PVT1: variants seen among roughly 807,000 people sequenced by gnomAD.
PVT1 encodes the protein Pvt1 oncogene, also known as CXCR4/PVT1 fusion.
intron 3 of PVT1, among the ~76,000 whole-genome samples, chr8:127,984,723 C>T (rs1290898432): frequency 6.6e-6 from 1 of 152,170 alleles, no homozygotes; most frequent in African/African-American, 2.4e-5. Context: ...TCTCCTGCCT[C>T]AGCCACCCAA....
intron 3 of PVT1, among the ~76,000 whole-genome samples, chr8:127,988,322 TG>T (rs1042548753): frequency 1.3e-5 from 2 of 152,036 alleles, no homozygotes; most frequent in Non-Finnish European, 2.9e-5. Context: ...GTGAGGATGG[TG>T]GGGGGGCCTG....
chr8:127,820,752 C>T (rs1389205020), intron 2 of PVT1, among the ~76,000 whole-genome samples: 2 of 151,984 alleles, frequency 1.3e-5, no homozygotes, highest in African/African-American at 4.8e-5. Context: ...CTTTGTCGCC[C>T]AGGCTGGAAT....
At chr8:127,826,329 G>C (rs938760268) in intron 2 of PVT1, among the ~76,000 whole-genome samples, 5 of 152,228 alleles carry the variant, frequency 3.3e-5, no homozygotes, top group African/African-American at 1.2e-4. Context: ...GCTTGACCTG[G>C]TGCCTAATCC....
At chr8:127,904,800 G>C (rs2129831705) in intron 3 of PVT1, among the ~76,000 whole-genome samples, 1 of 152,328 alleles carries the variant, frequency 6.6e-6, no homozygotes, top group East Asian at 1.9e-4. Flanking sequence ...AATATGTGGG[G>C]CTCAGTGCAA....
At chr8:127,809,322 G>C (rs188515088) in intron 2 of PVT1, among the ~76,000 whole-genome samples, 11 of 152,244 alleles carry the variant, frequency 7.2e-5, no homozygotes, top group African/African-American at 2.2e-4. Flanking sequence ...CTCCAGAGTA[G>C]CTGGGACTAC....
At chr8:128,082,276 G>A (rs900966811) in intron 5 of PVT1, among the ~76,000 whole-genome samples, 1 of 152,202 alleles carries the variant, frequency 6.6e-6, no homozygotes, top group African/African-American at 2.4e-5. Flanking sequence ...CTTGTTCGGG[G>A]TGCTACAGCT....
intron 2 of PVT1, among the ~76,000 whole-genome samples, chr8:127,831,547 A>G (rs1197014805): frequency 6.6e-6 from 1 of 152,198 alleles, no homozygotes; most frequent in Non-Finnish European, 1.5e-5. Context: ...GGTGGGATCC[A>G]AATCCATGGG....
intron 3 of PVT1, among the ~76,000 whole-genome samples, chr8:127,912,553 A>G (rs1586432846): frequency 6.6e-6 from 1 of 152,360 alleles, no homozygotes; most frequent in Middle Eastern, 3.4e-3. Context: ...GTTATTCCAC[A>G]CCATCCCAGT....
At chr8:127,930,230 C>T (rs1223737897) in intron 3 of PVT1, among the ~76,000 whole-genome samples, 1 of 152,184 alleles carries the variant, frequency 6.6e-6, no homozygotes, top group Non-Finnish European at 1.5e-5. Flanking sequence ...GATCTTAGCT[C>T]ACTACAACCC....
At chr8:127,863,393 A>G (rs1055150697) in intron 2 of PVT1, among the ~76,000 whole-genome samples, 1 of 152,182 alleles carries the variant, frequency 6.6e-6, no homozygotes. Flanking sequence ...GACAGGCATG[A>G]GCCACCGTGC....
chr8:128,005,844 C>T (rs1817240065), intron 4 of PVT1, among the ~76,000 whole-genome samples: 1 of 152,114 alleles, frequency 6.6e-6, no homozygotes, highest in Non-Finnish European at 1.5e-5. Flanking sequence ...TGGCTCACAC[C>T]CGCAATGCCA....
Position 127,997,043 on chromosome 8 carries a change from C to CTT in PVT1, n.912+7752_912+7753insTT, listed in dbSNP as rs1554603118. Among the ~76,000 whole-genome samples the CTT allele has an allele frequency of 6.6e-4, 36 of 54,578 alleles. 1 individual carries two copies. The highest frequency in any genetic ancestry group is 3.2e-3 in the South Asian group (3 of 948). 35.8% of individuals were successfully genotyped at this position (54,578 alleles called of 152,430 possible). ...GGAACATTCACTGGTCATTTGCTTT[C>CTT]GTTTTTTTTTTTTGTTTGTTTGTTT... On this transcript the variant is annotated intron_variant and non_coding_transcript_variant, in intron 4 of 10. Transcript: ENST00000651587.
chr8:127,812,939 TCC>T (rs957318756), intron 2 of PVT1, among the ~76,000 whole-genome samples: 1 of 151,982 alleles, frequency 6.6e-6, no homozygotes, highest in African/African-American at 2.4e-5. Context: ...AAGAGCCCAG[TCC>T]ATGCATTTAG....
At chr8:127,984,962 T>C (rs118155381) in intron 3 of PVT1, among the ~76,000 whole-genome samples, 28,359 of 118,180 alleles carry the variant, frequency 0.24, 5,426 homozygotes, top group East Asian at 0.38. Flanking sequence ...CTTCCTTCCT[T>C]CCTCCCTCCT....
chr8:127,961,982 T>A (rs905125982), intron 3 of PVT1, among the ~76,000 whole-genome samples: 1 of 147,388 alleles, frequency 6.8e-6, no homozygotes, highest in African/African-American at 2.5e-5. Flanking sequence ...GAATGTAGAA[T>A]TTTTTTTTTT....
intron 4 of PVT1, among the ~76,000 whole-genome samples, chr8:128,029,803 A>G (rs1813368312): frequency 1.4e-5 from 2 of 147,268 alleles, no homozygotes; most frequent in East Asian, 1.9e-4. Context: ...TGTCTCAAAA[A>G]CAAACAAACA....
At chr8:128,062,276 C>G (rs1280812781) in intron 4 of PVT1, among the ~76,000 whole-genome samples, 1 of 152,196 alleles carries the variant, frequency 6.6e-6, no homozygotes, top group African/African-American at 2.4e-5. Context: ...ACAAAACCTA[C>G]TCTTCATTTT....
At chr8:127,901,624 C>T (rs571658274) in intron 3 of PVT1, among the ~76,000 whole-genome samples, 2 of 152,116 alleles carry the variant, frequency 1.3e-5, no homozygotes, top group African/African-American at 4.8e-5. Context: ...GTTGCCTAGG[C>T]TGGTCTCAAA....
chr8:127,971,407 T>A (rs1816763206), intron 3 of PVT1, among the ~76,000 whole-genome samples: 1 of 152,220 alleles, frequency 6.6e-6, no homozygotes, highest in South Asian at 2.1e-4. Flanking sequence ...CAAGAGTACA[T>A]GATCTGTTAG....
Sources: gnomAD v4.1 joint callset for allele counts (sites outside exome capture counted in the v4.1 genomes callset) on GRCh38, gnomAD v4.1.1 for gene constraint, MANE v1.5 for transcripts, NCBI Gene and HGNC (gene_info 2026-07-23, HGNC 2026-07-21) for gene names.